CAMTA1: variants seen among roughly 807,000 people sequenced by gnomAD.
CAMTA1 encodes calmodulin binding transcription activator 1.
A neutral mutation model predicts 170.9 loss-of-function variants in CAMTA1; 27 were observed. The observed-to-expected ratio is 0.16, with a 90% confidence interval of 0.12 to 0.22. The LOEUF (loss-of-function observed/expected upper bound fraction) is 0.22, where lower values mean the gene tolerates loss of function less well. CAMTA1 is among the 10% of genes least tolerant of loss of function. The probability of loss-of-function intolerance (pLI) is 1.00; values close to 1 mark genes in which losing one functional copy is unlikely to be tolerated. For missense variants in CAMTA1, 1,619 were observed against 2,217.2 expected, an observed-to-expected ratio of 0.73 and a Z score of 5.42; for synonymous variants, 833 against 891.5, an observed-to-expected ratio of 0.93 and a Z score of 1.17.
intron 6 of CAMTA1, among the ~76,000 whole-genome samples, chr1:7,493,656 G>C (rs1021397322): frequency 2.6e-4 from 33 of 128,836 alleles, no homozygotes; most frequent in African/African-American, 4.9e-4. Context: ...GGGGGGGGGG[G>C]GGTCAGCGGA....
chr1:7,451,557 T>C (rs2092825134), intron 5 of CAMTA1, among the ~76,000 whole-genome samples: 2 of 152,172 alleles, frequency 1.3e-5, no homozygotes, highest in Admixed American at 1.3e-4. Context: ...GAATACGCAC[T>C]GTGTGCCAAG....
At position 7,664,561 on chromosome 1, in the gene CAMTA1, C is replaced by T. The variant is rs757355772; in HGVS notation, c.2014C>T (p.Leu672Phe). 3.7e-6 allele frequency: 6 copies of T among 1,613,104 alleles called. No individual in the cohort carries two copies. In the South Asian group the frequency reaches 4.4e-5, roughly 12 times the overall value. ...VETRIESTSS[L>F]HLMQFQANFQ... Reference sequence around the variant, plus strand: ...GACGCGGATCGAGTCCACTTCCTCCCTCCACCTCATGCAGTTCCAGGCCAA... The same window carrying T: ...GACGCGGATCGAGTCCACTTCCTCCTTCCACCTCATGCAGTTCCAGGCCAA... Residue 672 changes from leucine (L) to phenylalanine (F), a missense_variant, in exon 9 of 23, where the codon CTC (leucine) becomes TTC (phenylalanine). Leu to Phe is a conservative substitution (Grantham distance 22). Coordinates refer to ENST00000303635, the MANE Select transcript of CAMTA1 (RefSeq NM_015215.4).
rs142540484 is a variant in CAMTA1 at position 7,678,218 on chromosome 1, C to T, written c.2914+485C>T. ...AGGCAGCTCAGGCCTGGGCTTCTTTCGAATTTGGGGGCTTGCTTCTGCCTT... is the reference window on the plus strand; with the variant it reads ...AGGCAGCTCAGGCCTGGGCTTCTTTTGAATTTGGGGGCTTGCTTCTGCCTT... On this transcript the variant is annotated intron_variant, in intron 11 of 22. Transcript: ENST00000303635. Among the ~76,000 whole-genome samples the T allele has an allele frequency of 2.7e-3, 418 of 152,358 alleles. 1 individual carries two copies. Among genetic ancestry groups the T allele is most frequent in the African/African-American group, 9.1e-3 (379 of 41,580 alleles).
intron 4 of CAMTA1, among the ~76,000 whole-genome samples, chr1:7,192,611 G>A (rs1654749471): frequency 6.6e-6 from 1 of 152,224 alleles, no homozygotes; most frequent in South Asian, 2.1e-4. Context: ...AGTGCCACCT[G>A]CAGGAGCAGT....
At chr1:7,265,159 G>C (rs867423606) in intron 5 of CAMTA1, among the ~76,000 whole-genome samples, 2 of 152,228 alleles carry the variant, frequency 1.3e-5, no homozygotes. Context: ...CAGGTGAACT[G>C]TTCCTGCGCT....
At chr1:7,512,789 G>C (rs2094220281) in intron 6 of CAMTA1, among the ~76,000 whole-genome samples, 1 of 152,206 alleles carries the variant, frequency 6.6e-6, no homozygotes, top group Admixed American at 6.5e-5. Context: ...CCCCTGAGAA[G>C]GTGTCTCCTG....
At chr1:7,611,023 C>G (rs1266748055) in intron 6 of CAMTA1, among the ~76,000 whole-genome samples, 1 of 152,254 alleles carries the variant, frequency 6.6e-6, no homozygotes, top group East Asian at 1.9e-4. Flanking sequence ...GCAACCTGTG[C>G]AGTCCTGGAC....
chr1:7,535,449 A>G (rs2094538192), intron 6 of CAMTA1, among the ~76,000 whole-genome samples: 1 of 152,164 alleles, frequency 6.6e-6, no homozygotes, highest in Non-Finnish European at 1.5e-5. Flanking sequence ...GCCCTGTGAC[A>G]TGGTCCTAAA....
At position 7,641,360 on chromosome 1, in the gene CAMTA1, G is replaced by C. The variant is rs2095759284; in HGVS notation, c.664+807G>C. On this transcript the variant is annotated intron_variant, in intron 7 of 22. Coordinates refer to ENST00000303635, the MANE Select transcript of CAMTA1 (RefSeq NM_015215.4). The surrounding 1 kb of genome is among the most constrained non-coding windows in gnomAD (Gnocchi z 4.5). ...TCAGGGCAAGGACCTGCCATCAGCA[G>C]GGCCTGAGGGGGTGGGTCAGTGGCT... is the stretch of plus-strand genomic sequence containing the variant. Among the ~76,000 whole-genome samples, 1 of 152,230 alleles carries C rather than the reference G, an allele frequency of 6.6e-6. No homozygotes were observed. Among genetic ancestry groups the C allele is most frequent in the South Asian group, 2.1e-4 (1 of 4,836 alleles).
chr1:7,387,657 A>G (rs79078557), intron 5 of CAMTA1, among the ~76,000 whole-genome samples: 1,652 of 152,274 alleles, frequency 0.011, 32 homozygotes, highest in African/African-American at 0.032. Flanking sequence ...ACAGAGAAAA[A>G]GCTGCAAAAC....
chr1:7,655,155 C>T (rs1284131867), intron 7 of CAMTA1, among the ~76,000 whole-genome samples: 1 of 145,400 alleles, frequency 6.9e-6, no homozygotes, highest in Non-Finnish European at 1.5e-5. Context: ...CCTATACACA[C>T]ACCTATACAC....
At chr1:7,294,961 G>A (rs1673710333) in intron 5 of CAMTA1, among the ~76,000 whole-genome samples, 1 of 152,192 alleles carries the variant, frequency 6.6e-6, no homozygotes, top group Non-Finnish European at 1.5e-5. Context: ...AGATCGTTCT[G>A]ATGTGGACTT....
intron 6 of CAMTA1, among the ~76,000 whole-genome samples, chr1:7,568,851 A>ACAT (rs1246324545): frequency 1.4e-5 from 2 of 148,128 alleles, no homozygotes; most frequent in African/African-American, 2.5e-5. Flanking sequence ...CATCATCACC[A>ACAT]CATCATCATC....
chr1:7,197,997 C>A (rs1256600847), intron 4 of CAMTA1, among the ~76,000 whole-genome samples: 1 of 151,986 alleles, frequency 6.6e-6, no homozygotes, highest in Admixed American at 6.6e-5. Context: ...GGGAGATGCT[C>A]TCTCAGCTGC....
chr1:6,999,167 T>C (rs1356940052), intron 3 of CAMTA1, among the ~76,000 whole-genome samples: 5 of 152,232 alleles, frequency 3.3e-5, no homozygotes, highest in Admixed American at 3.3e-4. Flanking sequence ...TTTGAGGATA[T>C]CTGCTTATTT....
At chr1:7,226,702 A>T (rs1466007067) in intron 4 of CAMTA1, among the ~76,000 whole-genome samples, 2 of 151,872 alleles carry the variant, frequency 1.3e-5, no homozygotes, top group Non-Finnish European at 2.9e-5. Context: ...CCATTTTGCA[A>T]TTTTTTTTTA....
At chr1:6,873,033 A>G (rs1668826786) in intron 3 of CAMTA1, among the ~76,000 whole-genome samples, 2 of 152,196 alleles carry the variant, frequency 1.3e-5, no homozygotes, top group South Asian at 2.1e-4. Context: ...TCTCACGAAC[A>G]GTTTTGTTCA....
rs1206178243 is a variant in CAMTA1 at position 7,456,820 on chromosome 1, G to A, written c.439-11010G>A. 2.0e-5 allele frequency among the ~76,000 whole-genome samples: 3 copies of A among 152,244 alleles called. No homozygotes were observed. The highest frequency in any genetic ancestry group is 2.9e-5 in the Non-Finnish European group (2 of 68,028). On this transcript the variant is annotated intron_variant, in intron 5 of 22. Coordinates refer to ENST00000303635, the MANE Select transcript of CAMTA1 (RefSeq NM_015215.4). The surrounding 1 kb of genome is among the most constrained non-coding windows in gnomAD (Gnocchi z 4.9). ...ATGTGGGCCTGGCTGAACGTCCTCA[G>A]AGGGTGGGAAAACAGGCAGGTGAGA... is the stretch of plus-strand genomic sequence containing the variant.
chr1:7,108,018 G>A (rs1643780366), intron 4 of CAMTA1, among the ~76,000 whole-genome samples: 1 of 152,150 alleles, frequency 6.6e-6, no homozygotes, highest in African/African-American at 2.4e-5. Context: ...ATTTGACAAT[G>A]TCTGGAGACA....
Sources: gnomAD v4.1 joint callset for allele counts (sites outside exome capture counted in the v4.1 genomes callset) on GRCh38, gnomAD v4.1.1 for gene constraint, Gnocchi (gnomAD v3.1) non-coding constraint, MANE v1.5 for transcripts, NCBI Gene and HGNC (gene_info 2026-07-23, HGNC 2026-07-21) for gene names.